Variants in FAM135A observed in about 807,000 individuals in gnomAD.
FAM135A encodes protein FAM135A.
A neutral mutation model predicts 146.8 loss-of-function variants in FAM135A; 79 were observed. The ratio of observed to expected loss-of-function variants is 0.54; its 90% confidence interval spans 0.45 to 0.65. The LOEUF (loss-of-function observed/expected upper bound fraction) is 0.65. Ranked by LOEUF, FAM135A falls within the 30% of genes least tolerant of loss-of-function variation. The probability of loss-of-function intolerance (pLI) is 0.00; values close to 1 mark genes in which losing one functional copy is unlikely to be tolerated. For synonymous variants in FAM135A, 562 were observed against 603.6 expected, an observed-to-expected ratio of 0.93 and a Z score of 1.01; for missense variants, 1,623 against 1,758.2, an observed-to-expected ratio of 0.92 and a Z score of 1.38.
chr6:70,457,567 A>T (rs1778606803), intron 5 of FAM135A, among the ~76,000 whole-genome samples: 1 of 152,212 alleles, frequency 6.6e-6, no homozygotes, highest in Non-Finnish European at 1.5e-5. Context: ...ATAGCTGCTC[A>T]GTCCCTTCTT....
chr6:70,557,989 A>G (rs1227866178), intron 21 of FAM135A, among the ~76,000 whole-genome samples: 1 of 152,224 alleles, frequency 6.6e-6, no homozygotes, highest in African/African-American at 2.4e-5. Context: ...AATTCAGAAG[A>G]GTCTTAACCT....
chr6:70,545,246 T>C (rs987066651), intron 20 of FAM135A, among the ~76,000 whole-genome samples: 12 of 152,178 alleles, frequency 7.9e-5, no homozygotes, highest in African/African-American at 2.7e-4. Context: ...TTAAGATTTC[T>C]CTTTGTACTC....
At chr6:70,427,779 T>C (rs1015819248) in intron 3 of FAM135A, among the ~76,000 whole-genome samples, 11 of 152,166 alleles carry the variant, frequency 7.2e-5, no homozygotes, top group Non-Finnish European at 1.5e-4. Flanking sequence ...TTGAATACTT[T>C]AGAATTTGTA....
At chr6:70,507,799 A>G (rs1430043622) in intron 12 of FAM135A, among the ~76,000 whole-genome samples, 1 of 152,108 alleles carries the variant, frequency 6.6e-6, no homozygotes, top group East Asian at 1.9e-4. Context: ...TATTTATGAT[A>G]AGTGAATAAT....
chr6:70,487,290 T>C (rs916954999), intron 10 of FAM135A, among the ~76,000 whole-genome samples: 2 of 152,018 alleles, frequency 1.3e-5, no homozygotes, highest in African/African-American at 4.8e-5. Flanking sequence ...TGTTCTGATC[T>C]CATTATTTTA....
At chr6:70,558,586 G>A (rs1327117539) in intron 21 of FAM135A, among the ~76,000 whole-genome samples, 1 of 152,110 alleles carries the variant, frequency 6.6e-6, no homozygotes, top group Non-Finnish European at 1.5e-5. Flanking sequence ...GAGGCAGGAG[G>A]ATCACCTGAG....
intron 5 of FAM135A, among the ~76,000 whole-genome samples, chr6:70,461,694 A>G (rs1007090971): frequency 2.6e-5 from 4 of 152,244 alleles, no homozygotes; most frequent in Non-Finnish European, 5.9e-5. Context: ...CTAAATTTAT[A>G]TAATACCTCA....
intron 19 of FAM135A, among the ~76,000 whole-genome samples, chr6:70,536,866 A>G (rs1796886639): frequency 6.6e-6 from 1 of 152,080 alleles, no homozygotes; most frequent in Non-Finnish European, 1.5e-5. Context: ...TGAAGAAGTT[A>G]ATATGAAAGT....
rs988618594 is a variant in FAM135A, at chr6:70,514,130, G to A, written c.1030-8383G>A. Among the ~76,000 whole-genome samples, 10 of 151,432 alleles carry A rather than the reference G, an allele frequency of 6.6e-5. No individual in the cohort carries two copies. The East Asian group carries it at 7.8e-4, about 12-fold the overall frequency. On this transcript the variant is annotated intron_variant, in intron 12 of 21. Transcript: ENST00000418814. ...TTTCTTTCCCTCCCTTCTCCCTCTAGTACTCTAATTATATGTATATTATAT... is the reference window on the plus strand; with the variant it reads ...TTTCTTTCCCTCCCTTCTCCCTCTAATACTCTAATTATATGTATATTATAT...
intron 10 of FAM135A, among the ~76,000 whole-genome samples, chr6:70,490,677 A>G (rs1323749441): frequency 1.3e-5 from 2 of 152,096 alleles, no homozygotes; most frequent in African/African-American, 4.8e-5. Flanking sequence ...ATATGTATAT[A>G]TAACACAAAA....
intron 12 of FAM135A, among the ~76,000 whole-genome samples, chr6:70,505,393 T>C (rs1176799069): frequency 6.6e-6 from 1 of 152,212 alleles, no homozygotes; most frequent in East Asian, 1.9e-4. Flanking sequence ...TCATTTAATC[T>C]GGACTAATTC....
chr6:70,513,801 TTTTC>T (rs1791596200), intron 12 of FAM135A, among the ~76,000 whole-genome samples: 1 of 151,996 alleles, frequency 6.6e-6, no homozygotes. Context: ...GGACTGACAG[TTTTC>T]TCCCTCTGTT....
At chr6:70,540,786 C>G (rs1018531041) in intron 20 of FAM135A, among the ~76,000 whole-genome samples, 1 of 152,192 alleles carries the variant, frequency 6.6e-6, no homozygotes, top group Non-Finnish European at 1.5e-5. Flanking sequence ...TTATACCTAG[C>G]CTTTGATCTC....
At chr6:70,446,426 A>G (rs943373135) in intron 4 of FAM135A, among the ~76,000 whole-genome samples, 4 of 152,302 alleles carry the variant, frequency 2.6e-5, no homozygotes, top group African/African-American at 7.2e-5. Context: ...TGAGAGGTGC[A>G]ATTCAAGCTA....
chr6:70,542,959 C>T (rs980409845), intron 20 of FAM135A, among the ~76,000 whole-genome samples: 1 of 152,066 alleles, frequency 6.6e-6, no homozygotes, highest in Non-Finnish European at 1.5e-5. Flanking sequence ...TTTTACCATA[C>T]TCATTATAGT....
At chr6:70,434,684 C>T (rs533020050) in intron 4 of FAM135A, among the ~76,000 whole-genome samples, 17 of 152,072 alleles carry the variant, frequency 1.1e-4, no homozygotes, top group Non-Finnish European at 2.1e-4. Context: ...TTTTGAAAAG[C>T]GGCAAATATT....
chr6:70,428,699 A>G (rs1770768735), intron 4 of FAM135A, among the ~76,000 whole-genome samples: 2 of 152,182 alleles, frequency 1.3e-5, no homozygotes, highest in African/African-American at 4.8e-5. Context: ...TTGCTCTTTA[A>G]AATCTTATAG....
chr6:70,497,762 C>T (rs12524420), intron 11 of FAM135A, among the ~76,000 whole-genome samples: 40,888 of 148,252 alleles, frequency 0.28, 7,054 homozygotes, highest in African/African-American at 0.49. Flanking sequence ...AATCATGTGG[C>T]TTATGGATTA....
At chr6:70,426,221 T>C (rs1770111454) in intron 2 of FAM135A, among the ~76,000 whole-genome samples, 1 of 152,224 alleles carries the variant, frequency 6.6e-6, no homozygotes, top group Non-Finnish European at 1.5e-5. Flanking sequence ...GTACTTTGAA[T>C]TATATGTAAG....
Sources: allele counts gnomAD v4.1 joint callset (sites outside exome capture counted in the v4.1 genomes callset), GRCh38; gene constraint gnomAD v4.1.1; transcripts MANE v1.5; gene names NCBI Gene and HGNC (gene_info 2026-07-23, HGNC 2026-07-21).